The following GALNT7 variants were observed in gnomAD, a reference collection of about 807,000 sequenced individuals.
GALNT7 encodes the protein polypeptide N-acetylgalactosaminyltransferase 7.
GALNT7 carries 60 observed loss-of-function variants against 82.1 expected under a neutral mutation model. The ratio of observed to expected loss-of-function variants is 0.73; its 90% confidence interval spans 0.59 to 0.91. The LOEUF is 0.91. Ranked by LOEUF, GALNT7 falls within the 40% of genes least tolerant of loss-of-function variation. The pLI is 0.00. For missense variants in GALNT7, 660 were observed against 804.2 expected, an observed-to-expected ratio of 0.82 and a Z score of 2.17; for synonymous variants, 243 against 275.1, an observed-to-expected ratio of 0.88 and a Z score of 1.15.
intron 1 of GALNT7, among the ~76,000 whole-genome samples, chr4:173,209,814 A>C (rs1297752357): frequency 1.3e-5 from 2 of 152,214 alleles, no homozygotes; most frequent in Admixed American, 1.3e-4. Context: ...CTTTGTGCTC[A>C]GGCAGAATTA....
intron 8 of GALNT7, 86 bp from the exon 9 acceptor site, chr4:173,313,872 C>T (rs1396844823): frequency 3.8e-6 from 2 of 520,058 alleles, no homozygotes; most frequent in Non-Finnish European, 6.3e-6. Context: ...ATGTGTAGGC[C>T]ATTTTCATGT....
rs1317567607 is a variant in GALNT7, at chr4:173,237,202, G to C, written c.127-10778G>C. 6.6e-5 allele frequency among the ~76,000 whole-genome samples: 10 copies of C among 152,116 alleles called. No homozygotes were observed. In the South Asian group the frequency reaches 1.0e-3, roughly 16 times the overall value. ...TTGAGGTATTTTTTTCCCTGGGGTG[G>C]TTATTTTTTCAGATTGCCAAGAGAA... On this transcript the variant is annotated intron_variant, in intron 1 of 11. Transcript: ENST00000265000.
intron 1 of GALNT7, among the ~76,000 whole-genome samples, chr4:173,232,984 C>T (rs1310877346): frequency 1.3e-5 from 2 of 152,140 alleles, no homozygotes; most frequent in Non-Finnish European, 2.9e-5. Flanking sequence ...AGTGAGAACA[C>T]GTGGTATTTG....
chr4:173,210,033 C>T (rs552250898), intron 1 of GALNT7, among the ~76,000 whole-genome samples: 46 of 151,782 alleles, frequency 3.0e-4, no homozygotes, highest in Non-Finnish European at 4.1e-4. Flanking sequence ...CTCAGGAAGC[C>T]GAGGCAGGAG....
intron 1 of GALNT7, among the ~76,000 whole-genome samples, chr4:173,212,946 C>T (rs1434751518): frequency 6.6e-6 from 1 of 151,982 alleles, no homozygotes; most frequent in Non-Finnish European, 1.5e-5. Context: ...GGAACCACAA[C>T]CTTGTTTCTC....
intron 1 of GALNT7, among the ~76,000 whole-genome samples, chr4:173,215,570 G>A (rs565678551): frequency 2.6e-5 from 4 of 152,042 alleles, no homozygotes; most frequent in East Asian, 1.9e-4. Flanking sequence ...TGGGGAACCC[G>A]ACTGGGGATC....
chr4:173,269,446 G>A lies in GALNT7; in HGVS notation c.587+21006G>A, dbSNP rs1475222739. 2.6e-5 allele frequency among the ~76,000 whole-genome samples: 4 copies of A among 152,142 alleles called. No homozygotes were observed. The South Asian group carries it at 6.2e-4, about 24-fold the overall frequency. On this transcript the variant is annotated intron_variant, in intron 2 of 11. Coordinates refer to ENST00000265000, the MANE Select transcript of GALNT7 (RefSeq NM_017423.3). ...TGCCAAGGTGTACCCAACAGAAGCTGCTGCAGTTAGTGACATGAGCTATGG... is the reference window on the plus strand; with the variant it reads ...TGCCAAGGTGTACCCAACAGAAGCTACTGCAGTTAGTGACATGAGCTATGG...
intron 1 of GALNT7, among the ~76,000 whole-genome samples, chr4:173,183,613 T>C (rs1185482337): frequency 6.6e-6 from 1 of 152,202 alleles, no homozygotes; most frequent in Non-Finnish European, 1.5e-5. Context: ...CCCCCTTTTC[T>C]ATTCGACAAA....
At chr4:173,261,654 T>C (rs527992940) in intron 2 of GALNT7, among the ~76,000 whole-genome samples, 1 of 151,864 alleles carries the variant, frequency 6.6e-6, no homozygotes, top group Non-Finnish European at 1.5e-5. Flanking sequence ...TCATCTCTAC[T>C]AAAAATAAAA....
chr4:173,299,746 T>C (rs568553964), intron 6 of GALNT7, among the ~76,000 whole-genome samples: 2 of 152,122 alleles, frequency 1.3e-5, no homozygotes, highest in South Asian at 4.1e-4. Flanking sequence ...CTTGGGAGGC[T>C]GAGGCAGGAG....
chr4:173,288,545 A>T (rs1233535545), intron 2 of GALNT7, among the ~76,000 whole-genome samples: 1 of 152,092 alleles, frequency 6.6e-6, no homozygotes, highest in Non-Finnish European at 1.5e-5. Flanking sequence ...CCATCTATCC[A>T]GGCAGAAGTT....
chr4:173,308,706 C>T (rs1401066377), intron 8 of GALNT7, among the ~76,000 whole-genome samples: 1 of 152,160 alleles, frequency 6.6e-6, no homozygotes, highest in Non-Finnish European at 1.5e-5. Flanking sequence ...AGTTCGAGAC[C>T]AGCCTGACCA....
rs3775593 is a variant in GALNT7, at chr4:173,294,225, T to A, written c.755-1171T>A. On this transcript the variant is annotated intron_variant, in intron 3 of 11. Transcript: ENST00000265000. ...CTCCTAATGGAATTCAAAAAGGCTT[T>A]AAAAAAATAATTTAGGACTGCACTG... is the stretch of plus-strand genomic sequence containing the variant. 4.0e-5 allele frequency among the ~76,000 whole-genome samples: 6 copies of A among 151,136 alleles called. No individual in the cohort carries two copies. The East Asian group carries it at 1.2e-3, about 29-fold the overall frequency.
chr4:173,205,221 G>T (rs1733048630), intron 1 of GALNT7, among the ~76,000 whole-genome samples: 1 of 152,132 alleles, frequency 6.6e-6, no homozygotes. Context: ...TGGTCCTGGG[G>T]TAGGTCTTGA....
chr4:173,289,161 G>A (rs1349099905), intron 2 of GALNT7, among the ~76,000 whole-genome samples: 2 of 152,118 alleles, frequency 1.3e-5, no homozygotes, highest in Admixed American at 1.3e-4. Context: ...CCCATGCAAT[G>A]TCTGGGCCCT....
chr4:173,184,414 C>A (rs996742257), intron 1 of GALNT7, among the ~76,000 whole-genome samples: 1 of 152,016 alleles, frequency 6.6e-6, no homozygotes, highest in Non-Finnish European at 1.5e-5. Flanking sequence ...CCGACCAACA[C>A]GGCGAAACCC....
At chr4:173,216,730 T>A (rs1317484953) in intron 1 of GALNT7, among the ~76,000 whole-genome samples, 15 of 93,196 alleles carry the variant, frequency 1.6e-4, no homozygotes, top group African/African-American at 6.2e-4. Context: ...TATATATATT[T>A]TTTTTTTTTT....
chr4:173,217,520 T>C (rs1733509768), intron 1 of GALNT7, among the ~76,000 whole-genome samples: 1 of 152,250 alleles, frequency 6.6e-6, no homozygotes, highest in Non-Finnish European at 1.5e-5. Context: ...TGTTTTAGTT[T>C]GTGCATTTTA....
At chr4:173,288,269 C>T (rs563003282) in intron 2 of GALNT7, among the ~76,000 whole-genome samples, 5 of 102,132 alleles carry the variant, frequency 4.9e-5, no homozygotes, top group East Asian at 2.7e-4. Context: ...GGCGACAGAG[C>T]GAGACTCCAT....
Sources: allele counts gnomAD v4.1 joint callset (sites outside exome capture counted in the v4.1 genomes callset), GRCh38; gene constraint gnomAD v4.1.1; transcripts MANE v1.5; gene names NCBI Gene and HGNC (gene_info 2026-07-23, HGNC 2026-07-21).